USP7: variants seen among roughly 807,000 people sequenced by gnomAD.
The protein encoded by USP7 is ubiquitin C-terminal hydrolase 7.
USP7 carries 9 observed loss-of-function variants against 162.9 expected under a neutral mutation model. That is an observed-to-expected ratio of 0.06 (90% confidence interval 0.03 to 0.10). USP7 has a LOEUF of 0.10. Among genes scored for constraint, USP7 ranks in the 10% least tolerant of loss-of-function variants. The pLI, the probability that USP7 is intolerant of heterozygous loss-of-function variation, is 1.00. For missense variants in USP7, 715 were observed against 1,373.7 expected (o/e 0.52, Z 7.58); for synonymous variants, 562 against 475.9 (o/e 1.18, Z -2.35).
intron 13 of USP7, among the ~76,000 whole-genome samples, chr16:8,906,164 A>G (rs374178138): frequency 2.1e-4 from 32 of 152,382 alleles, no homozygotes; most frequent in Admixed American, 5.9e-4. Flanking sequence ...AGAAGAAAAT[A>G]TAAGTGTCTC....
intron 18 of USP7, 125 bp from the exon 19 acceptor site, chr16:8,901,359 G>C: frequency 3.0e-6 from 2 of 674,852 alleles, no homozygotes; most frequent in Non-Finnish European, 5.1e-6. Context: ...TCAATGACAA[G>C]TGAAATGACA....
intron 10 of USP7, among the ~76,000 whole-genome samples, chr16:8,914,760 A>G (rs1219786372): frequency 6.6e-6 from 1 of 151,972 alleles, no homozygotes; most frequent in Non-Finnish European, 1.5e-5. Context: ...TCTTAACCAA[A>G]AAAAAAAAAT....
chr16:8,927,664 C>T (rs958248508), intron 2 of USP7, among the ~76,000 whole-genome samples: 6 of 151,944 alleles, frequency 3.9e-5, no homozygotes, highest in African/African-American at 2.4e-5. Flanking sequence ...GGTGAAACCT[C>T]GTCTCTACTA....
intron 1 of USP7, chr16:8,935,918 T>C (rs1464132965): frequency 6.6e-6 from 1 of 152,140 alleles, no homozygotes; most frequent in Admixed American, 6.5e-5. Context: ...GCTATGGAAG[T>C]TACGTAGACC....
At chr16:8,926,248 C>T (rs1311814089) in intron 2 of USP7, among the ~76,000 whole-genome samples, 6 of 151,972 alleles carry the variant, frequency 3.9e-5, no homozygotes, top group South Asian at 4.1e-4. Context: ...GAGGCAGAGG[C>T]GGGCGGATAA....
chr16:8,904,480 C>T lies in USP7; in HGVS notation c.1659G>A (p.Gln553=), dbSNP rs1384237144. ...GGGCTTCCTGCCGCTCCTTCCGCTT[C>T]TGAGCCTCGATCCTTTTCTCTTCTT... ...RLQEEKRIEA[Q]KRKERQEAHL... The change falls in exon 15 of 31, where the codon CAG becomes CAA. Residue 553 remains glutamine, a synonymous_variant. Transcript: ENST00000344836. 6.2e-7 allele frequency: 1 copy of T among 1,614,210 alleles called. No homozygotes were observed.
Position 8,963,394 on chromosome 16 carries a change from C to A in USP7, c.-109G>T. The A allele has an allele frequency of 5.8e-6, 1 of 171,594 alleles. No individual in the cohort carries two copies. The highest frequency in any genetic ancestry group is 1.7e-4 in the South Asian group (1 of 5,824). The allele number at this position is 171,594 out of a possible 1,614,324, so 10.6% of individuals were successfully genotyped here. On this transcript the variant is annotated 5_prime_UTR_variant, in exon 1 of 31. The change creates a new upstream start codon in the 5' untranslated region. Coordinates refer to ENST00000344836, the MANE Select transcript of USP7 (RefSeq NM_003470.3). Reference sequence around the variant, plus strand: ...GCGGCGGCGGCGGCGGCGGGGCGGCCTCCTCCTCCTCCTCCCGCGCGTCGT... The same window carrying A: ...GCGGCGGCGGCGGCGGCGGGGCGGCATCCTCCTCCTCCTCCCGCGCGTCGT...
chr16:8,941,675 C>T (rs577903940), intron 1 of USP7, among the ~76,000 whole-genome samples: 1 of 152,160 alleles, frequency 6.6e-6, no homozygotes, highest in African/African-American at 2.4e-5. Flanking sequence ...AAGACCAGGC[C>T]GTGTTGGTGT....
intron 1 of USP7, among the ~76,000 whole-genome samples, chr16:8,961,505 G>A (rs868571330): frequency 0.19 from 7,098 of 37,660 alleles, 464 homozygotes; most frequent in Middle Eastern, 0.32. Flanking sequence ...AAAAAAAAAA[G>A]GGGGGGGGGG....
chr16:8,909,512 G>T (rs534880579), intron 11 of USP7, among the ~76,000 whole-genome samples: 1 of 152,344 alleles, frequency 6.6e-6, no homozygotes, highest in Non-Finnish European at 1.5e-5. Flanking sequence ...CTCCACCGCT[G>T]TCCACTGAGG....
At chr16:8,917,748 AACTACTTTTATTTCCT>A (rs1180871251) in intron 6 of USP7, among the ~76,000 whole-genome samples, 1 of 152,108 alleles carries the variant, frequency 6.6e-6, no homozygotes, top group Non-Finnish European at 1.5e-5. Context: ...GCCCCCAGAG[AACTACTTTTATTTCCT>A]ACTTATTGGA....
chr16:8,907,848 A>G (rs2061884834), intron 12 of USP7, among the ~76,000 whole-genome samples: 1 of 152,198 alleles, frequency 6.6e-6, no homozygotes, highest in Admixed American at 6.5e-5. Context: ...TAAAAATAAA[A>G]TAACTACTTG....
intron 1 of USP7, among the ~76,000 whole-genome samples, chr16:8,932,079 C>A (rs577991059): frequency 6.6e-6 from 1 of 152,144 alleles, no homozygotes; most frequent in South Asian, 2.1e-4. Flanking sequence ...CAAGAACTCT[C>A]CAAAACCCCA....
intron 30 of USP7, 77 bp from the exon 31 acceptor site, chr16:8,894,181 C>T (rs1170697283): frequency 1.5e-6 from 2 of 1,360,558 alleles, no homozygotes; most frequent in African/African-American, 1.4e-5. Context: ...GCCAGTGAGG[C>T]ATGCATCCCT....
At chr16:8,900,952 A>T in intron 20 of USP7, 38 bp downstream of exon 20, 1 of 1,602,214 alleles carries the variant, frequency 6.2e-7, no homozygotes, top group Non-Finnish European at 8.5e-7. Context: ...ACAAACTACT[A>T]AGAATATACT....
chr16:8,914,602 T>C (rs1427988432), intron 10 of USP7, among the ~76,000 whole-genome samples: 3 of 152,130 alleles, frequency 2.0e-5, no homozygotes, highest in African/African-American at 4.8e-5. Context: ...CGTGGATGTA[T>C]CTCATGAATG....
At chr16:8,895,601 C>T (rs781416334) in intron 27 of USP7, 41 bp downstream of exon 27, 10 of 1,503,382 alleles carry the variant, frequency 6.7e-6, no homozygotes, top group East Asian at 2.3e-5. Flanking sequence ...AGATGGGGCT[C>T]ATGAATTCTC....
intron 6 of USP7, 127 bp downstream of exon 6, chr16:8,918,904 T>G (rs999385107): frequency 2.3e-6 from 2 of 880,056 alleles, no homozygotes; most frequent in Non-Finnish European, 3.7e-6. Context: ...CAGCATGAAC[T>G]AGCAGCCATC....
chr16:8,937,058 A>T (rs1016574149), intron 1 of USP7, among the ~76,000 whole-genome samples: 1 of 152,214 alleles, frequency 6.6e-6, no homozygotes, highest in African/African-American at 2.4e-5. Flanking sequence ...AAGGCAAAGT[A>T]CAATGCCCTC....
Sources: gnomAD v4.1 joint callset for allele counts (sites outside exome capture counted in the v4.1 genomes callset) on GRCh38, gnomAD v4.1.1 for gene constraint, MANE v1.5 for transcripts, NCBI Gene and HGNC (gene_info 2026-07-23, HGNC 2026-07-21) for gene names.